Variants in MSRA observed in about 807,000 individuals in gnomAD.
MSRA encodes the protein mitochondrial peptide methionine sulfoxide reductase.
A neutral mutation model predicts 31.3 loss-of-function variants in MSRA; 54 were observed. The ratio of observed to expected loss-of-function variants is 1.73; its 90% confidence interval spans 1.39 to 2.17. MSRA has a LOEUF of 2.17. Among genes scored for constraint, MSRA ranks in the 30% most tolerant of loss-of-function variants. The pLI is 0.00. For missense variants in MSRA, 507 were observed against 300.9 expected (o/e 1.69, Z -5.07); for synonymous variants, 169 against 116.5 (o/e 1.45, Z -2.90).
intron 1 of MSRA, among the ~76,000 whole-genome samples, chr8:10,063,541 A>G (rs575101804): frequency 8.4e-4 from 128 of 152,180 alleles, no homozygotes; most frequent in African/African-American, 2.6e-3. Context: ...TACTGAATTC[A>G]TGTTGAAATC....
chr8:10,132,424 T>C (rs1157902645), intron 1 of MSRA, among the ~76,000 whole-genome samples: 1 of 152,224 alleles, frequency 6.6e-6, no homozygotes, highest in African/African-American at 2.4e-5. Context: ...TTGGCTGCTA[T>C]AGCAGCATAC....
intron 1 of MSRA, among the ~76,000 whole-genome samples, chr8:10,125,776 C>G (rs1240297263): frequency 2.6e-5 from 4 of 152,222 alleles, no homozygotes; most frequent in Non-Finnish European, 4.4e-5. Flanking sequence ...GATGCAGTAT[C>G]TTAACCATTG....
chr8:10,109,456 C>G (rs1800124889), intron 1 of MSRA, among the ~76,000 whole-genome samples: 1 of 151,950 alleles, frequency 6.6e-6, no homozygotes. Context: ...ATCCTTCCAC[C>G]TCAGCCTCCC....
rs1183328686 is a variant in MSRA at position 10,365,060 on chromosome 8, C to G, written c.543+45071C>G. ...ATATCTCATGGAGGCTGAGCTTTGC[C>G]AAACAGACAGATAGGAAGCAAAATT... On this transcript the variant is annotated intron_variant, in intron 5 of 5. Coordinates refer to ENST00000317173, the MANE Select transcript of MSRA (RefSeq NM_012331.5). Among the ~76,000 whole-genome samples the G allele has an allele frequency of 3.4e-5, 5 of 145,848 alleles. No homozygotes were observed. The Admixed American group carries it at 3.5e-4, about 10-fold the overall frequency.
intron 1 of MSRA, among the ~76,000 whole-genome samples, chr8:10,193,368 C>G (rs936333553): frequency 6.6e-6 from 1 of 152,202 alleles, no homozygotes; most frequent in Non-Finnish European, 1.5e-5. Context: ...AGGCCGCCTC[C>G]TCTGTCTCCC....
chr8:10,086,781 A>T (rs181626078), intron 1 of MSRA, among the ~76,000 whole-genome samples: 1 of 149,798 alleles, frequency 6.7e-6, no homozygotes, highest in African/African-American at 2.4e-5. Flanking sequence ...AGTAATGACT[A>T]TGTATATACT....
chr8:10,070,405 T>G (rs1287873870), intron 1 of MSRA, among the ~76,000 whole-genome samples: 1 of 152,212 alleles, frequency 6.6e-6, no homozygotes, highest in Non-Finnish European at 1.5e-5. Flanking sequence ...AAGTGTGACC[T>G]GCTATTTTTT....
At chr8:10,308,719 T>A (rs1309123283) in intron 4 of MSRA, among the ~76,000 whole-genome samples, 2 of 152,216 alleles carry the variant, frequency 1.3e-5, no homozygotes, top group African/African-American at 4.8e-5. Context: ...GTCGCCTTCA[T>A]CTGTTCCATT....
At chr8:10,326,463 A>G (rs941649591) in intron 5 of MSRA, 1 of 152,208 alleles carries the variant, frequency 6.6e-6, no homozygotes, top group Non-Finnish European at 1.5e-5. Flanking sequence ...ATTTCTAATC[A>G]GATTAAAAGA....
intron 1 of MSRA, among the ~76,000 whole-genome samples, chr8:10,090,271 C>G (rs893555937): frequency 2.0e-5 from 3 of 152,130 alleles, no homozygotes; most frequent in Non-Finnish European, 4.4e-5. Flanking sequence ...CTCTCAGAGC[C>G]AGAACCAACA....
At chr8:10,152,203 A>T (rs1301018730) in intron 1 of MSRA, among the ~76,000 whole-genome samples, 1 of 152,216 alleles carries the variant, frequency 6.6e-6, no homozygotes, top group Non-Finnish European at 1.5e-5. Flanking sequence ...CAGAGAACAA[A>T]ACTGTCTGTG....
At chr8:10,379,975 G>A (rs1423257083) in intron 5 of MSRA, among the ~76,000 whole-genome samples, 1 of 152,226 alleles carries the variant, frequency 6.6e-6, no homozygotes, top group African/African-American at 2.4e-5. Context: ...ATACGAGAGG[G>A]TGGGCCTACA....
At chr8:10,139,702 G>A (rs922452007) in intron 1 of MSRA, among the ~76,000 whole-genome samples, 1 of 152,216 alleles carries the variant, frequency 6.6e-6, no homozygotes, top group Admixed American at 6.5e-5. Context: ...CTTTTTCTTG[G>A]CTGAGTAGTA....
intron 5 of MSRA, among the ~76,000 whole-genome samples, chr8:10,352,247 A>G (rs956557140): frequency 6.6e-6 from 1 of 152,220 alleles, no homozygotes; most frequent in Non-Finnish European, 1.5e-5. Context: ...GAATCCTTAA[A>G]TTCTCATATA....
chr8:10,342,676 T>A (rs1455107732), intron 5 of MSRA, among the ~76,000 whole-genome samples: 1 of 152,142 alleles, frequency 6.6e-6, no homozygotes, highest in East Asian at 1.9e-4. Flanking sequence ...CCAGCGCAGT[T>A]CCCTGGCCTT....
At chr8:10,377,127 T>C (rs1805799786) in intron 5 of MSRA, among the ~76,000 whole-genome samples, 1 of 152,246 alleles carries the variant, frequency 6.6e-6, no homozygotes, top group African/African-American at 2.4e-5. Flanking sequence ...GAGATAGTGC[T>C]CTGTCCCACT....
chr8:10,205,033 G>C (rs11774836), intron 1 of MSRA, among the ~76,000 whole-genome samples: 11 of 152,126 alleles, frequency 7.2e-5, no homozygotes, highest in African/African-American at 2.6e-4. Context: ...ATGGATGAGG[G>C]ATGCTAGTGT....
At chr8:10,310,938 T>C (rs532694919) in intron 4 of MSRA, among the ~76,000 whole-genome samples, 2 of 152,370 alleles carry the variant, frequency 1.3e-5, no homozygotes, top group East Asian at 3.9e-4. Flanking sequence ...GAAGTCCAAA[T>C]AATCAGGCTT....
At chr8:10,245,005 C>CT (rs879214976) in intron 2 of MSRA, 99 bp from the exon 3 acceptor site, 65,534 of 838,576 alleles carry the variant, frequency 0.078, no homozygotes, top group Non-Finnish European at 0.086. Flanking sequence ...ACAGGAGCAA[C>CT]TTTTTTTTTT....
Sources: allele counts gnomAD v4.1 joint callset (sites outside exome capture counted in the v4.1 genomes callset), GRCh38; gene constraint gnomAD v4.1.1; transcripts MANE v1.5; gene names NCBI Gene and HGNC (gene_info 2026-07-23, HGNC 2026-07-21).